The following CAST variants were observed in gnomAD, a reference collection of about 807,000 sequenced individuals.
CAST encodes calpastatin, also known as MIR583 host.
A neutral mutation model predicts 119.6 loss-of-function variants in CAST; 76 were observed. The ratio of observed to expected loss-of-function variants is 0.64; its 90% CI spans 0.53 to 0.77. The LOEUF (loss-of-function observed/expected upper bound fraction) is 0.77, where lower values mean the gene tolerates loss of function less well. CAST is among the 30% of genes least tolerant of loss of function. The probability of loss-of-function intolerance (pLI) is 0.00; values close to 1 mark genes in which losing one functional copy is unlikely to be tolerated. For synonymous variants in CAST, 319 were observed against 331.6 expected (o/e 0.96, Z 0.41); for missense variants, 953 against 946.5 (o/e 1.01, Z -0.09).
chr5:96,421,982 T>C, the CAST span: 13 of 664,124 alleles, frequency 2.0e-5, no homozygotes, highest in Admixed American at 7.9e-5. Flanking sequence ...AATATAACAC[T>C]GTGGCAGCAT....
chr5:95,967,908 T>G, the CAST span, among the ~76,000 whole-genome samples: 1 of 152,230 alleles, frequency 6.6e-6, no homozygotes, highest in African/African-American at 2.4e-5. Context: ...CTGAATTTTC[T>G]GTGTAACTCT....
At chr5:96,362,410 C>G in the CAST span, among the ~76,000 whole-genome samples, 10 of 152,236 alleles carry the variant, frequency 6.6e-5, no homozygotes. Context: ...AATCACCACA[C>G]TGTCTTCCAC....
the CAST span, among the ~76,000 whole-genome samples, chr5:96,049,715 A>G: frequency 6.6e-6 from 1 of 152,062 alleles, no homozygotes; most frequent in Non-Finnish European, 1.5e-5. Context: ...TGGGATGCAC[A>G]TGGAGATGCC....
chr5:96,259,711 C>T, the CAST span, among the ~76,000 whole-genome samples: 1 of 152,074 alleles, frequency 6.6e-6, no homozygotes, highest in East Asian at 1.9e-4. Context: ...TCTTTCTCTT[C>T]TCCTTCGTTT....
intron 1 of CAST, among the ~76,000 whole-genome samples, chr5:96,583,128 G>T (rs181162591): frequency 1.3e-5 from 2 of 151,826 alleles, no homozygotes; most frequent in Non-Finnish European, 1.5e-5. Context: ...CCTTCAGAAC[G>T]CCCCACCTTA....
the CAST span, among the ~76,000 whole-genome samples, chr5:96,493,652 C>T: frequency 4.6e-5 from 7 of 152,140 alleles, no homozygotes; most frequent in Non-Finnish European, 1.0e-4. Context: ...AGTTTAGAGT[C>T]CATGTTTCTT....
the CAST span, among the ~76,000 whole-genome samples, chr5:96,235,636 C>CT: frequency 0.023 from 3,555 of 152,164 alleles, 127 homozygotes; most frequent in African/African-American, 0.081. Context: ...GAGTTCTGGG[C>CT]TTTTTTTGTA....
At chr5:96,736,292 T>C in intron 10 of CAST, 52 bp downstream of exon 10, 1 of 1,107,162 alleles carries the variant, frequency 9.0e-7, no homozygotes, top group Non-Finnish European at 1.3e-6. Context: ...ATATGCTCTG[T>C]ATTTATCATA....
chr5:96,199,337 T>C, the CAST span, among the ~76,000 whole-genome samples: 1 of 152,152 alleles, frequency 6.6e-6, no homozygotes, highest in Admixed American at 6.5e-5. Flanking sequence ...CTGGAAACAT[T>C]TACTTCTCAA....
chr5:96,299,829 G>C, the CAST span, among the ~76,000 whole-genome samples: 1 of 152,030 alleles, frequency 6.6e-6, no homozygotes, highest in Non-Finnish European at 1.5e-5. Context: ...GGTACAAAGT[G>C]ATGATGTGAT....
the CAST span, among the ~76,000 whole-genome samples, chr5:96,110,585 T>C: frequency 1.3e-5 from 2 of 152,206 alleles, no homozygotes; most frequent in Non-Finnish European, 2.9e-5. Flanking sequence ...CTGTTCTTTT[T>C]ACTCTGGCTG....
chr5:96,450,569 C>T, the CAST span, among the ~76,000 whole-genome samples: 1,336 of 152,256 alleles, frequency 8.8e-3, 24 homozygotes, highest in African/African-American at 0.031. Context: ...CACAACTGCA[C>T]GTGTCCCCCT....
At chr5:96,150,701 G>A in the CAST span, among the ~76,000 whole-genome samples, 2 of 152,278 alleles carry the variant, frequency 1.3e-5, no homozygotes, top group South Asian at 4.2e-4. Context: ...GGAGTGAGGT[G>A]ACTCTGGAAA....
chr5:96,728,588 T>G (rs1169407215), intron 6 of CAST: 3 of 152,188 alleles, frequency 2.0e-5, no homozygotes, highest in African/African-American at 7.2e-5. Flanking sequence ...GCCATTCTCC[T>G]TCCTCCGCCT....
At chr5:96,324,589 A>G in the CAST span, among the ~76,000 whole-genome samples, 1 of 152,304 alleles carries the variant, frequency 6.6e-6, no homozygotes, top group East Asian at 1.9e-4. Context: ...TTTATTTGTA[A>G]TTCAAGGCAT....
chr5:96,743,529 C>T (rs777299564), intron 16 of CAST: 2 of 1,478,892 alleles, frequency 1.4e-6, no homozygotes, highest in South Asian at 1.4e-5. Context: ...TCACAATGCC[C>T]CATCTCTGCT....
chr5:96,454,048 G>A, the CAST span, among the ~76,000 whole-genome samples: 5 of 152,104 alleles, frequency 3.3e-5, no homozygotes, highest in Non-Finnish European at 5.9e-5. Flanking sequence ...ACTTATATCC[G>A]TAGATAAAAA....
the CAST span, among the ~76,000 whole-genome samples, chr5:96,105,840 A>G: frequency 4.0e-4 from 61 of 152,328 alleles, no homozygotes; most frequent in African/African-American, 1.5e-3. Flanking sequence ...CTCTGGTAGA[A>G]TTCAGCTGTG....
chr5:96,534,200 C>A (rs181711640), intron 1 of CAST, among the ~76,000 whole-genome samples: 191 of 152,228 alleles, frequency 1.3e-3, no homozygotes, highest in Non-Finnish European at 2.2e-3. Context: ...ATCTGCAAAT[C>A]ACATTGAATC....
Sources: gnomAD v4.1 joint callset for allele counts (sites outside exome capture counted in the v4.1 genomes callset) on GRCh38, gnomAD v4.1.1 for gene constraint, MANE v1.5 for transcripts, NCBI Gene and HGNC (gene_info 2026-07-23, HGNC 2026-07-21) for gene names.